The following TRPM3 variants were observed in gnomAD, a reference collection of about 807,000 sequenced individuals.
TRPM3 encodes transient receptor potential cation channel subfamily M member 3.
TRPM3 carries 77 observed loss-of-function variants against 181.2 expected under a neutral mutation model. The observed-to-expected ratio is 0.42, with a 90% CI of 0.35 to 0.51. TRPM3 has a LOEUF of 0.51. Among genes scored for constraint, TRPM3 ranks in the 20% least tolerant of loss-of-function variants. The pLI is 0.01. For missense variants in TRPM3, 1,759 were observed against 2,196.7 expected, an observed-to-expected ratio of 0.80 and a Z score of 3.98; for synonymous variants, 745 against 796.4, an observed-to-expected ratio of 0.94 and a Z score of 1.09.
intron 1 of TRPM3, among the ~76,000 whole-genome samples, chr9:71,351,447 A>G (rs1465844322): frequency 6.6e-6 from 1 of 152,222 alleles, no homozygotes; most frequent in Non-Finnish European, 1.5e-5. Context: ...GACAGCTATA[A>G]ATGGCAAAAA....
At chr9:70,623,977 CTGT>C (rs34439116) in intron 14 of TRPM3, among the ~76,000 whole-genome samples, 54,638 of 151,644 alleles carry the variant, frequency 0.36, 11,551 homozygotes, top group East Asian at 0.52. Flanking sequence ...CAAAGTGAGG[CTGT>C]TATTTCAAGG....
intron 1 of TRPM3, among the ~76,000 whole-genome samples, chr9:71,249,567 C>T (rs1458449960): frequency 2.0e-5 from 3 of 152,056 alleles, no homozygotes; most frequent in Admixed American, 2.0e-4. Context: ...TATTTTTGTC[C>T]CTTGAGATAT....
chr9:71,227,492 A>G (rs1305282607), intron 1 of TRPM3, among the ~76,000 whole-genome samples: 2 of 152,072 alleles, frequency 1.3e-5, no homozygotes, highest in Non-Finnish European at 2.9e-5. Flanking sequence ...GAAATAACAT[A>G]AGGGCCGAAA....
chr9:71,180,835 G>A (rs919732645), intron 1 of TRPM3, among the ~76,000 whole-genome samples: 6 of 152,050 alleles, frequency 3.9e-5, no homozygotes, highest in Admixed American at 6.6e-5. Flanking sequence ...ATAAAAAAGC[G>A]AATAGTTATT....
At chr9:71,351,630 T>G (rs2091629942) in intron 1 of TRPM3, among the ~76,000 whole-genome samples, 1 of 152,182 alleles carries the variant, frequency 6.6e-6, no homozygotes, top group Non-Finnish European at 1.5e-5. Flanking sequence ...TAGGTATATC[T>G]TCAAAATATA....
chr9:71,433,375 T>C (rs2093986574), intron 1 of TRPM3, among the ~76,000 whole-genome samples: 2 of 152,176 alleles, frequency 1.3e-5, no homozygotes, highest in Admixed American at 6.5e-5. Flanking sequence ...CTTTCCTCCT[T>C]CGTTTGGCAT....
intron 1 of TRPM3, among the ~76,000 whole-genome samples, chr9:70,952,095 C>G (rs1486792787): frequency 6.6e-6 from 1 of 152,166 alleles, no homozygotes; most frequent in Non-Finnish European, 1.5e-5. Context: ...ATAAATGAAC[C>G]CACATTTCTG....
intron 9 of TRPM3, among the ~76,000 whole-genome samples, chr9:70,672,204 A>T (rs2134091220): frequency 6.6e-6 from 1 of 152,164 alleles, no homozygotes; most frequent in African/African-American, 2.4e-5. Flanking sequence ...AGTCATAGGG[A>T]TTCTCTCAAT....
At chr9:70,546,149 T>C (rs1354822659) in intron 25 of TRPM3, among the ~76,000 whole-genome samples, 2 of 152,230 alleles carry the variant, frequency 1.3e-5, no homozygotes, top group Non-Finnish European at 2.9e-5. Flanking sequence ...GCCAGGATTT[T>C]ATATGCTCCA....
intron 1 of TRPM3, among the ~76,000 whole-genome samples, chr9:71,163,794 T>C (rs979620751): frequency 2.0e-5 from 3 of 151,826 alleles, no homozygotes; most frequent in African/African-American, 7.3e-5. Flanking sequence ...GTGACAGAAA[T>C]AGCAGAAAGG....
intron 12 of TRPM3, among the ~76,000 whole-genome samples, chr9:70,633,566 G>A (rs2066300564): frequency 6.6e-6 from 1 of 152,136 alleles, no homozygotes; most frequent in Admixed American, 6.5e-5. Flanking sequence ...GTATAGAGAT[G>A]GGAGGAAAGT....
chr9:70,603,388 A>G lies in TRPM3; in HGVS notation c.2750T>C (p.Ile917Thr). 6.2e-7 allele frequency: 1 copy of G among 1,614,064 alleles called. No individual in the cohort carries two copies. The highest frequency in any genetic ancestry group is 1.1e-5 in the South Asian group (1 of 91,062). The change falls in exon 20 of 26, where the codon ATC becomes ACC. Residue 917 changes from isoleucine (I) to threonine (T), a missense_variant. Transcript: ENST00000677713. ...MERWPSTQEW[I>T]VISYIFTLGI... The stretch of plus-strand genomic sequence containing the variant: ...CAGGGTGAAAATATAGGAGATTACG[A>G]TCCATTCCTGGGTGGACGGCCAGCG...
chr9:70,755,129 A>G (rs2135163086), intron 8 of TRPM3, among the ~76,000 whole-genome samples: 1 of 152,274 alleles, frequency 6.6e-6, no homozygotes. Flanking sequence ...GCTTCTTAAG[A>G]ACACACAGGC....
intron 1 of TRPM3, among the ~76,000 whole-genome samples, chr9:71,013,414 T>C (rs2097761160): frequency 6.6e-6 from 1 of 152,058 alleles, no homozygotes; most frequent in Non-Finnish European, 1.5e-5. Context: ...CTTTATAATA[T>C]TTGGAATCGA....
rs777300541 is a variant in TRPM3 at position 70,536,017 on chromosome 9, C to A, written c.5096G>T (p.Ser1699Ile). Residue 1699 changes from serine to isoleucine, a missense_variant, in exon 26 of 26, where the codon AGC becomes ATC. This residue lies in a region of TRPM3 where 612 missense variants were observed against 590.0 expected (regional missense o/e 1.04). Transcript: ENST00000677713. ...KSSKPEGRGD[S>I]LSMRRLSRTS... is the part of the protein sequence containing the mutation. ...TCTGGACAGTCTCCTCATGGACAGG[C>A]TGTCCCCTCGGCCCTCCGGCTTGGA... The A allele has an allele frequency of 6.2e-7, 1 of 1,613,932 alleles. No homozygotes were observed. The highest frequency in any genetic ancestry group is 8.5e-7 in the Non-Finnish European group (1 of 1,179,916).
intron 1 of TRPM3, among the ~76,000 whole-genome samples, chr9:71,331,713 A>C (rs2090135824): frequency 7.6e-6 from 1 of 131,724 alleles, no homozygotes. Context: ...GAGGAGAAAA[A>C]GGAGGAGGAA....
At chr9:70,846,966 A>G (rs543166041) in intron 3 of TRPM3, among the ~76,000 whole-genome samples, 8 of 152,318 alleles carry the variant, frequency 5.3e-5, no homozygotes, top group African/African-American at 1.4e-4. Flanking sequence ...TATTAACTAG[A>G]TGCACATATT....
intron 1 of TRPM3, among the ~76,000 whole-genome samples, chr9:71,229,967 G>C (rs559714527): frequency 1.3e-5 from 2 of 152,096 alleles, no homozygotes; most frequent in African/African-American, 4.8e-5. Context: ...AAAAGAGATA[G>C]CTGCACTCCC....
chr9:71,302,354 G>C (rs1375829584), intron 1 of TRPM3, among the ~76,000 whole-genome samples: 1 of 152,154 alleles, frequency 6.6e-6, no homozygotes, highest in East Asian at 1.9e-4. Context: ...ATTTGAGTAA[G>C]AAGGACTACC....
Sources: allele counts gnomAD v4.1 joint callset (sites outside exome capture counted in the v4.1 genomes callset), GRCh38; gene constraint gnomAD v4.1.1; regional missense constraint gnomAD v4.1.1; transcripts MANE v1.5; gene names NCBI Gene and HGNC (gene_info 2026-07-23, HGNC 2026-07-21).